Variants in FER observed in about 807,000 individuals in gnomAD.
FER encodes the protein tyrosine-protein kinase Fer.
FER carries 63 observed loss-of-function variants against 111.0 expected under a neutral mutation model. The observed-to-expected ratio is 0.57, with a 90% CI of 0.46 to 0.70. FER has a LOEUF of 0.70. Ranked by LOEUF, FER falls within the 30% of genes least tolerant of loss-of-function variation. The probability of loss-of-function intolerance (pLI) is 0.00; values close to 1 mark genes in which losing one functional copy is unlikely to be tolerated. For missense variants in FER, 914 were observed against 954.0 expected (o/e 0.96, Z 0.55); for synonymous variants, 327 against 313.9 (o/e 1.04, Z -0.44).
chr5:109,149,924 G>A (rs1337684937), intron 17 of FER, among the ~76,000 whole-genome samples: 1 of 152,148 alleles, frequency 6.6e-6, no homozygotes, highest in African/African-American at 2.4e-5. Flanking sequence ...TACCGCCTGA[G>A]CTCCACCGCC....
chr5:109,186,065 A>G (rs1582447885), intron 18 of FER, 135 bp from the exon 19 acceptor site: 5 of 1,236,120 alleles, frequency 4.0e-6, no homozygotes, highest in East Asian at 4.7e-5. Context: ...TACTGGGACC[A>G]CTGTCATATA....
chr5:108,961,960 G>C (rs1005860506), intron 13 of FER, among the ~76,000 whole-genome samples: 23 of 152,058 alleles, frequency 1.5e-4, no homozygotes, highest in African/African-American at 5.3e-4. Context: ...TTCCACTTTA[G>C]TTCATTGTAA....
chr5:108,883,273 T>C (rs557430349), intron 8 of FER, 123 bp from the exon 9 acceptor site: 42 of 898,984 alleles, frequency 4.7e-5, no homozygotes, highest in Non-Finnish European at 5.8e-5. Flanking sequence ...TATTTTAGTT[T>C]GAATCAGATT....
At chr5:109,180,025 C>T (rs1285238177) in intron 17 of FER, among the ~76,000 whole-genome samples, 1 of 152,128 alleles carries the variant, frequency 6.6e-6, no homozygotes, top group Non-Finnish European at 1.5e-5. Flanking sequence ...GGAGGCAAAG[C>T]GGAACAGCTA....
intron 3 of FER, among the ~76,000 whole-genome samples, chr5:108,823,032 C>T (rs937317840): frequency 1.3e-5 from 2 of 152,080 alleles, no homozygotes; most frequent in Non-Finnish European, 1.5e-5. Context: ...CCACCATGGC[C>T]AGCTAATTTT....
intron 17 of FER, among the ~76,000 whole-genome samples, chr5:109,119,050 GCT>G (rs1227978135): frequency 2.0e-5 from 3 of 151,568 alleles, no homozygotes; most frequent in African/African-American, 7.3e-5. Flanking sequence ...CCTTCTGCTA[GCT>G]TTTGAATGTG....
intron 10 of FER, among the ~76,000 whole-genome samples, chr5:108,945,366 C>T (rs764689749): frequency 1.3e-5 from 2 of 151,880 alleles, no homozygotes; most frequent in African/African-American, 2.4e-5. Flanking sequence ...TCCTTTTTCC[C>T]TCTTTTTTTC....
chr5:108,775,638 G>C (rs1263890024), intron 2 of FER, among the ~76,000 whole-genome samples: 2 of 152,032 alleles, frequency 1.3e-5, no homozygotes, highest in Admixed American at 1.3e-4. Flanking sequence ...ATGCGTTAAT[G>C]TTGCTCCAAT....
rs1759468179 is a variant in FER, at chr5:109,192,800, T to C, written c.*5225T>C. 1 of 152,122 alleles carries C rather than the reference T, an allele frequency of 6.6e-6. No individual in the cohort carries two copies. The highest frequency in any genetic ancestry group is 6.5e-5 in the Admixed American group (1 of 15,268). 9.4% of individuals were successfully genotyped at this position (152,122 alleles called of 1,614,324 possible). ...GGGAGCTTACTATGATGAGAGCTACTGTGGGGAAACATAGTATTCAACAGA... is the reference window on the plus strand; with the variant it reads ...GGGAGCTTACTATGATGAGAGCTACCGTGGGGAAACATAGTATTCAACAGA... On this transcript the variant is annotated 3_prime_UTR_variant, in exon 20 of 20. Coordinates refer to ENST00000281092, the MANE Select transcript of FER (RefSeq NM_005246.4).
At chr5:108,827,020 T>A (rs1051475535) in intron 3 of FER, among the ~76,000 whole-genome samples, 1 of 152,182 alleles carries the variant, frequency 6.6e-6, no homozygotes, top group Admixed American at 6.6e-5. Context: ...AATTTAGATA[T>A]TATTCAATAG....
chr5:108,874,432 T>G (rs1301621060), intron 8 of FER, among the ~76,000 whole-genome samples: 2 of 152,168 alleles, frequency 1.3e-5, no homozygotes, highest in Non-Finnish European at 2.9e-5. Context: ...TAAACTTTAG[T>G]TACATTTCAT....
At chr5:108,890,775 C>T (rs1747924218) in intron 9 of FER, among the ~76,000 whole-genome samples, 1 of 152,050 alleles carries the variant, frequency 6.6e-6, no homozygotes, top group South Asian at 2.1e-4. Context: ...GGATATACCA[C>T]AATTTGTCTA....
intron 13 of FER, among the ~76,000 whole-genome samples, chr5:109,011,460 C>T (rs981488608): frequency 2.0e-5 from 3 of 151,918 alleles, no homozygotes; most frequent in Admixed American, 6.6e-5. Context: ...CGCTCAGTTA[C>T]CTTTCTACCT....
chr5:109,184,933 G>A (rs1303698111), intron 18 of FER, among the ~76,000 whole-genome samples: 2 of 152,002 alleles, frequency 1.3e-5, no homozygotes, highest in African/African-American at 4.8e-5. Context: ...ATCCTGCAGT[G>A]GCAGAGTTAA....
chr5:109,009,521 TC>T (rs1403159705), intron 13 of FER, among the ~76,000 whole-genome samples: 1 of 152,168 alleles, frequency 6.6e-6, no homozygotes. Flanking sequence ...GCATTAATCA[TC>T]TCTTCTCAGC....
intron 3 of FER, among the ~76,000 whole-genome samples, chr5:108,811,039 C>T (rs1472453956): frequency 1.3e-5 from 2 of 151,966 alleles, no homozygotes; most frequent in African/African-American, 4.8e-5. Context: ...GCTCCAAGTA[C>T]CTGGAGATCT....
At position 109,047,121 on chromosome 5, in the gene FER, A is replaced by T; in HGVS notation, c.1847A>T (p.Asp616Val). 2 of 1,588,944 alleles carry T rather than the reference A, an allele frequency of 1.3e-6. No homozygotes were observed. The highest frequency in any genetic ancestry group is 1.7e-6 in the Non-Finnish European group (2 of 1,163,282). Residue 616 changes from aspartate (D) to valine (V), a missense_variant, in exon 16 of 20, where the codon GAT becomes GTT. By Grantham distance (152) the Asp-to-Val change is radical. Transcript: ENST00000281092. ...TCATCTAGAATTCTCAAGCAATATG[A>T]TCATCCCAATATTGTCAAACTTATA... ...LQEAKILKQY[D>V]HPNIVKLIGV...
intron 13 of FER, among the ~76,000 whole-genome samples, chr5:109,012,737 A>G (rs1036763110): frequency 2.6e-5 from 4 of 152,230 alleles, no homozygotes; most frequent in African/African-American, 9.6e-5. Flanking sequence ...TGCTAATTAC[A>G]GTTTCTTTTA....
chr5:109,077,422 A>C (rs932040486), intron 16 of FER, among the ~76,000 whole-genome samples: 10 of 152,190 alleles, frequency 6.6e-5, no homozygotes, highest in Admixed American at 3.9e-4. Context: ...AATAAATATC[A>C]ATAATTTCTA....
Sources: gnomAD v4.1 joint callset for allele counts (sites outside exome capture counted in the v4.1 genomes callset) on GRCh38, gnomAD v4.1.1 for gene constraint, MANE v1.5 for transcripts, NCBI Gene and HGNC (gene_info 2026-07-23, HGNC 2026-07-21) for gene names.